VSIG10: variants seen among roughly 807,000 people sequenced by gnomAD.
The protein encoded by VSIG10 is V-set and immunoglobulin domain-containing protein 10.
In VSIG10, 48 loss-of-function variants were observed where a neutral mutation model predicts 58.7. The ratio of observed to expected loss-of-function variants is 0.82; its 90% confidence interval spans 0.65 to 1.04. The LOEUF (loss-of-function observed/expected upper bound fraction) is 1.04, where lower values mean the gene tolerates loss of function less well. Ranked by LOEUF, VSIG10 falls within the 50% of genes least tolerant of loss-of-function variation. The probability of loss-of-function intolerance (pLI) is 0.00; values close to 1 mark genes in which losing one functional copy is unlikely to be tolerated. For synonymous variants in VSIG10, 260 were observed against 267.1 expected (o/e 0.97, Z 0.26); for missense variants, 628 against 670.0 (o/e 0.94, Z 0.69).
rs1022708966 is a variant in VSIG10, at chr12:118,068,298, G to C, written c.1567+79C>G. On this transcript the variant is annotated intron_variant, in intron 8 of 8. Coordinates refer to ENST00000359236, the MANE Select transcript of VSIG10 (RefSeq NM_019086.6). ...GATCTTCCCACCTTGGCCTCCCAAA[G>C]TGCTGGGATTATAGGCGTGAGCCAA... The C allele has an allele frequency of 2.8e-6, 4 of 1,433,552 alleles. No homozygotes were observed. The African/African-American group carries it at 5.8e-5, about 21-fold the overall frequency. The allele number at this position is 1,433,552 out of a possible 1,614,324, so 88.8% of individuals were successfully genotyped here.
intron 5 of VSIG10, among the ~76,000 whole-genome samples, chr12:118,072,870 T>C (rs2032555491): frequency 6.6e-6 from 1 of 152,202 alleles, no homozygotes; most frequent in South Asian, 2.1e-4. Flanking sequence ...GAATAGTTTT[T>C]TTAGTGTAAG....
Position 118,066,700 on chromosome 12 carries a change from T to TG in VSIG10, c.1568-7dup, listed in dbSNP as rs745877270. 1.3e-6 allele frequency: 2 copies of TG among 1,595,922 alleles called. No homozygotes were observed. Among genetic ancestry groups the TG allele is most frequent in the South Asian group, 2.2e-5 (2 of 89,034 alleles). ...TTGCTCCTCACTGCTGTCATCTGTATGGGGGGAAATAAACCCAATGCTTTG... is the reference window on the plus strand; with the variant it reads ...TTGCTCCTCACTGCTGTCATCTGTATGGGGGGGAAATAAACCCAATGCTTTG... On this transcript the variant is annotated splice_polypyrimidine_tract_variant and splice_region_variant and intron_variant, in intron 8 of 8. Transcript: ENST00000359236.
At chr12:118,089,501 G>A (rs563881016) in intron 2 of VSIG10, among the ~76,000 whole-genome samples, 2 of 152,294 alleles carry the variant, frequency 1.3e-5, no homozygotes, top group East Asian at 3.9e-4. Context: ...GACAGGAAGC[G>A]ATGACTAATT....
chr12:118,098,472 G>A (rs1408370304), intron 1 of VSIG10, among the ~76,000 whole-genome samples: 3 of 152,192 alleles, frequency 2.0e-5, no homozygotes, highest in Admixed American at 6.6e-5. Context: ...GCTGGCAGTA[G>A]GGACTGTGTG....
intron 2 of VSIG10, among the ~76,000 whole-genome samples, chr12:118,090,305 AAAAAAAT>A (rs2033256715): frequency 6.6e-6 from 1 of 152,166 alleles, no homozygotes; most frequent in South Asian, 2.1e-4. Context: ...ACTCTATCTC[AAAAAAAT>A]AAAAAATAAA....
At position 118,082,267 on chromosome 12, in the gene VSIG10, T is replaced by G. The variant is rs780354569; in HGVS notation, c.524A>C (p.Glu175Ala). ...WWFQALNSSS[E>A]SFGHNLTVNF... ...GACTGTCAGGTTGTGGCCAAAGGAC[T>G]CGCTGCTGGAATTCAGGGCCTGGAA... The change falls in exon 3 of 9, where the codon GAG becomes GCG. Residue 175 changes from glutamate (E) to alanine (A), a missense_variant. By Grantham distance (107) the Glu-to-Ala change is moderately radical. Transcript: ENST00000359236. 6.2e-7 allele frequency: 1 copy of G among 1,613,948 alleles called. No individual in the cohort carries two copies. The highest frequency in any genetic ancestry group is 1.1e-5 in the South Asian group (1 of 91,088).
At chr12:118,070,446 G>C (rs2032441011) in intron 7 of VSIG10, among the ~76,000 whole-genome samples, 1 of 151,442 alleles carries the variant, frequency 6.6e-6, no homozygotes, top group Non-Finnish European at 1.5e-5. Flanking sequence ...TACTCGGAAG[G>C]CTGAGGCAGG....
rs2033682954 is a variant in VSIG10, at chr12:118,103,806, C to G, written c.-135G>C. 1.2e-6 allele frequency: 1 copy of G among 836,404 alleles called. No individual in the cohort carries two copies. Among genetic ancestry groups the G allele is most frequent in the South Asian group, 2.3e-5 (1 of 43,576 alleles). 51.8% of individuals were successfully genotyped at this position (836,404 alleles called of 1,614,324 possible). A position where few individuals can be genotyped will look rare whatever the true frequency, so the allele number is the denominator to read the frequency against. On this transcript the variant is annotated 5_prime_UTR_variant, in exon 1 of 9. Coordinates refer to ENST00000359236, the MANE Select transcript of VSIG10 (RefSeq NM_019086.6). The stretch of plus-strand genomic sequence containing the variant: ...GGCAGAGTGGCCCCACTTCCTCGGC[C>G]CCCAGGAAGGATGCTTGGCTGAGCC...
At chr12:118,089,592 TG>T (rs2033234310) in intron 2 of VSIG10, among the ~76,000 whole-genome samples, 1 of 152,142 alleles carries the variant, frequency 6.6e-6, no homozygotes, top group African/African-American at 2.4e-5. Flanking sequence ...GGGGCCAAGA[TG>T]GGTGACATTT....
In VSIG10 at chr12:118,073,734, C is replaced by T. The variant is rs199530805; in HGVS notation, c.1184G>A (p.Gly395Glu). Residue 395 changes from glycine to glutamate, a missense_variant, in exon 5 of 9, where the codon GGG (glycine) becomes GAG (glutamate). Coordinates refer to ENST00000359236, the MANE Select transcript of VSIG10 (RefSeq NM_019086.6). The stretch of plus-strand genomic sequence containing the variant: ...CAGCCAGATTTCCATCTCCCTCACC[C>T]CTACAGGGCTGTCAGCTCGGCAGAT... ...YYICRADSPV[G>E]VREMEIWLSV... 25 of 1,613,470 alleles carry T rather than the reference C, an allele frequency of 1.5e-5. No homozygotes were observed. The highest frequency in any genetic ancestry group is 2.1e-5 in the Non-Finnish European group (25 of 1,179,718).
In VSIG10 at chr12:118,101,702, C is replaced by G. The variant is rs1213583339; in HGVS notation, c.79+1891G>C. ...TAGCTAGTGGATGCATATAAGTTGT[C>G]TGGCATTGAATGTCAGGAGAAAAAT... is the stretch of plus-strand genomic sequence containing the variant. On this transcript the variant is annotated intron_variant, in intron 1 of 8. Transcript: ENST00000359236. The G allele has an allele frequency of 2.6e-5, 4 of 152,260 alleles. No homozygotes were observed. The East Asian group carries it at 7.7e-4, about 29-fold the overall frequency. 9.4% of individuals were successfully genotyped at this position (152,260 alleles called of 1,614,324 possible). A position where few individuals can be genotyped will look rare whatever the true frequency, so the allele number is the denominator to read the frequency against.
chr12:118,078,248 T>A (rs2032804217), intron 4 of VSIG10, among the ~76,000 whole-genome samples: 1 of 152,148 alleles, frequency 6.6e-6, no homozygotes, highest in Non-Finnish European at 1.5e-5. Flanking sequence ...AAGCTCCGCC[T>A]CCTGGGTTCA....
chr12:118,079,046 T>A (rs1173699139), intron 4 of VSIG10, among the ~76,000 whole-genome samples: 1 of 148,636 alleles, frequency 6.7e-6, no homozygotes, highest in Non-Finnish European at 1.5e-5. Context: ...ACGATGAACC[T>A]CATATGTCTT....
At chr12:118,100,719 G>A (rs918592124) in intron 1 of VSIG10, among the ~76,000 whole-genome samples, 1 of 152,148 alleles carries the variant, frequency 6.6e-6, no homozygotes, top group African/African-American at 2.4e-5. Flanking sequence ...TGTAGAGACA[G>A]GGTTTCACTG....
intron 5 of VSIG10, 90 bp downstream of exon 5, chr12:118,073,609 T>C (rs2032587406): frequency 6.9e-7 from 1 of 1,456,274 alleles, no homozygotes; most frequent in African/African-American, 1.4e-5. Flanking sequence ...GTGACCCATG[T>C]GTAGGGAGGC....
intron 2 of VSIG10, among the ~76,000 whole-genome samples, chr12:118,093,362 A>G (rs1297110339): frequency 2.0e-5 from 3 of 151,576 alleles, no homozygotes; most frequent in Admixed American, 2.0e-4. Context: ...ACAACCTCGC[A>G]CTCTAAATTC....
intron 2 of VSIG10, among the ~76,000 whole-genome samples, chr12:118,087,109 G>A (rs1257635175): frequency 4.6e-5 from 7 of 151,446 alleles, no homozygotes; most frequent in Non-Finnish European, 5.9e-5. Context: ...AGAAAGAAAC[G>A]GCGTTGGCAG....
intron 7 of VSIG10, among the ~76,000 whole-genome samples, chr12:118,069,935 T>C (rs1277940859): frequency 6.6e-6 from 1 of 152,158 alleles, no homozygotes; most frequent in Non-Finnish European, 1.5e-5. Context: ...ATGGTCTCAG[T>C]GCCTTTTCCT....
intron 2 of VSIG10, among the ~76,000 whole-genome samples, chr12:118,086,891 G>A (rs1294482801): frequency 6.6e-6 from 1 of 152,092 alleles, no homozygotes; most frequent in Non-Finnish European, 1.5e-5. Flanking sequence ...CTCCTGAGTA[G>A]CTGAGATGAC....
Sources: allele counts gnomAD v4.1 joint callset (sites outside exome capture counted in the v4.1 genomes callset), GRCh38; gene constraint gnomAD v4.1.1; transcripts MANE v1.5; gene names NCBI Gene and HGNC (gene_info 2026-07-23, HGNC 2026-07-21).